Variants in ASAP2 observed in about 807,000 individuals in gnomAD.
ASAP2 encodes arf-GAP with SH3 domain, ANK repeat and PH domain-containing protein 2.
In ASAP2, 45 loss-of-function variants were observed where a neutral mutation model predicts 131.4. The observed-to-expected ratio is 0.34, with a 90% CI of 0.27 to 0.44. The LOEUF (loss-of-function observed/expected upper bound fraction) is 0.44. Ranked by LOEUF, ASAP2 falls within the 20% of genes least tolerant of loss-of-function variation. ASAP2 has a pLI of 1.00. For synonymous variants in ASAP2, 510 were observed against 503.0 expected (o/e 1.01, Z -0.19); for missense variants, 1,011 against 1,297.0 (o/e 0.78, Z 3.39).
intron 1 of ASAP2, among the ~76,000 whole-genome samples, chr2:9,262,114 G>A (rs1415244768): frequency 1.3e-5 from 2 of 152,176 alleles, no homozygotes; most frequent in African/African-American, 4.8e-5. Flanking sequence ...CTCCTCAGTA[G>A]CTGGGAATGA....
At chr2:9,254,236 A>AAAAAAAATAG (rs1553297024) in intron 1 of ASAP2, among the ~76,000 whole-genome samples, 1 of 47,110 alleles carries the variant, frequency 2.1e-5, no homozygotes, top group African/African-American at 1.4e-4. Flanking sequence ...AAAAAAAAAA[A>AAAAAAAATAG]ATATATATAT....
intron 1 of ASAP2, among the ~76,000 whole-genome samples, chr2:9,269,252 C>T (rs899299704): frequency 2.4e-4 from 35 of 144,954 alleles, no homozygotes; most frequent in African/African-American, 8.6e-4. Flanking sequence ...AATTATTTTG[C>T]GGGGGGGAGG....
rs904116473 is a variant in ASAP2, at chr2:9,271,401, T to C, written c.127-7916T>C. 5 of 1,411,438 alleles carry C rather than the reference T, an allele frequency of 3.5e-6. No individual in the cohort carries two copies. The African/African-American group carries it at 5.6e-5, about 16-fold the overall frequency. 87.4% of individuals were successfully genotyped at this position (1,411,438 alleles called of 1,614,324 possible). On this transcript the variant is annotated intron_variant, in intron 1 of 27. Transcript: ENST00000281419. ...GTAGCTGAATTACTTCTCCATATTCTGGATGCTCAATTACAGTACCATTGC... is the reference window on the plus strand; with the variant it reads ...GTAGCTGAATTACTTCTCCATATTCCGGATGCTCAATTACAGTACCATTGC...
chr2:9,271,153 C>T, intron 1 of ASAP2: 1 of 492,512 alleles, frequency 2.0e-6, no homozygotes, highest in Non-Finnish European at 3.6e-6. Context: ...TACACTAGTC[C>T]AAGTTAAAAG....
intron 3 of ASAP2, among the ~76,000 whole-genome samples, chr2:9,315,222 A>G (rs564873216): frequency 7.7e-4 from 118 of 152,332 alleles, no homozygotes; most frequent in African/African-American, 2.4e-3. Flanking sequence ...AGTCTTTATT[A>G]GGGACACAAC....
rs1164860709 is a variant in ASAP2 at position 9,405,247 on chromosome 2, CCTTT to C, written c.*1924_*1927del. 5.9e-5 allele frequency: 9 copies of C among 152,324 alleles called. No individual in the cohort carries two copies. Among genetic ancestry groups the C allele is most frequent in the African/African-American group, 1.9e-4 (8 of 41,568 alleles). The allele number at this position is 152,324 out of a possible 1,614,324, so 9.4% of individuals were successfully genotyped here. On this transcript the variant is annotated 3_prime_UTR_variant, in exon 28 of 28. Coordinates refer to ENST00000281419, the MANE Select transcript of ASAP2 (RefSeq NM_003887.3). The stretch of plus-strand genomic sequence containing the variant: ...ATTATATTAACGACCCTGCTAATAT[CCTTT>C]CTTAGTTATTTGCTCCTTGCAAATT...
intron 27 of ASAP2, among the ~76,000 whole-genome samples, chr2:9,402,156 C>A (rs999135356): frequency 5.9e-5 from 9 of 152,210 alleles, no homozygotes; most frequent in Non-Finnish European, 1.0e-4. Context: ...TTGTCGAGTG[C>A]GAGGAGTTTG....
intron 1 of ASAP2, among the ~76,000 whole-genome samples, chr2:9,212,853 T>C (rs1455530544): frequency 2.0e-5 from 3 of 152,002 alleles, no homozygotes; most frequent in Non-Finnish European, 1.5e-5. Flanking sequence ...TTTTACAGCA[T>C]CTCCACGTAC....
At chr2:9,303,360 C>T (rs1668618138) in intron 3 of ASAP2, among the ~76,000 whole-genome samples, 2 of 152,086 alleles carry the variant, frequency 1.3e-5, no homozygotes, top group East Asian at 1.9e-4. Context: ...ATTGGTTGCC[C>T]TTTTTCCTGC....
chr2:9,388,632 C>A, intron 22 of ASAP2, 86 bp downstream of exon 22: 3 of 1,524,600 alleles, frequency 2.0e-6, no homozygotes, highest in South Asian at 1.3e-5. Context: ...GCCTCCAACT[C>A]AGTGACCTTT....
chr2:9,317,827 G>A (rs1231647558), intron 3 of ASAP2, among the ~76,000 whole-genome samples: 1 of 148,188 alleles, frequency 6.7e-6, no homozygotes, highest in East Asian at 2.0e-4. Context: ...CACACCCTTA[G>A]TCCCTTAACA....
chr2:9,269,197 G>C (rs973138872), intron 1 of ASAP2, among the ~76,000 whole-genome samples: 2 of 151,554 alleles, frequency 1.3e-5, no homozygotes, highest in African/African-American at 4.9e-5. Flanking sequence ...AATAATAATG[G>C]AGTACAATTT....
At chr2:9,208,954 G>T (rs972111277) in intron 1 of ASAP2, among the ~76,000 whole-genome samples, 28 of 152,172 alleles carry the variant, frequency 1.8e-4, no homozygotes, top group African/African-American at 6.0e-4. Context: ...AACACTGGCA[G>T]ATGTTGGAAA....
chr2:9,286,391 C>G (rs1667461345), intron 2 of ASAP2, among the ~76,000 whole-genome samples: 1 of 149,878 alleles, frequency 6.7e-6, no homozygotes, highest in African/African-American at 2.5e-5. Context: ...GAGTGAGACC[C>G]TGTCTCCAAA....
chr2:9,350,664 C>T (rs1672269383), intron 11 of ASAP2, 144 bp from the exon 12 acceptor site: 2 of 598,726 alleles, frequency 3.3e-6, no homozygotes, highest in Admixed American at 6.2e-5. Flanking sequence ...CCCAGTCAAG[C>T]CTTCCTCTGT....
intron 1 of ASAP2, among the ~76,000 whole-genome samples, chr2:9,275,856 C>T (rs1361115532): frequency 2.6e-5 from 4 of 152,078 alleles, no homozygotes; most frequent in Non-Finnish European, 4.4e-5. Flanking sequence ...AGAGGCGGTA[C>T]GATTAATTTT....
intron 9 of ASAP2, among the ~76,000 whole-genome samples, chr2:9,341,309 C>A (rs185697790): frequency 2.0e-5 from 3 of 152,114 alleles, no homozygotes; most frequent in African/African-American, 7.2e-5. Context: ...TGAAGTAATT[C>A]GCACTAAAAC....
intron 11 of ASAP2, among the ~76,000 whole-genome samples, chr2:9,348,264 A>G (rs1327476871): frequency 6.6e-6 from 1 of 151,970 alleles, no homozygotes; most frequent in Non-Finnish European, 1.5e-5. Context: ...CTGCAGGTGC[A>G]TGCCACCATG....
At chr2:9,284,441 A>G (rs879396275) in intron 2 of ASAP2, among the ~76,000 whole-genome samples, 1 of 152,188 alleles carries the variant, frequency 6.6e-6, no homozygotes. Context: ...GTCATTTAGG[A>G]TAAAGAAGAC....
Sources: allele counts gnomAD v4.1 joint callset (sites outside exome capture counted in the v4.1 genomes callset), GRCh38; gene constraint gnomAD v4.1.1; transcripts MANE v1.5; gene names NCBI Gene and HGNC (gene_info 2026-07-23, HGNC 2026-07-21).